CSMD1: variants seen among roughly 807,000 people sequenced by gnomAD.
CSMD1 encodes CUB and Sushi multiple domains 1, also known as CUB and sushi domain-containing protein 1.
Under a neutral mutation model 417.5 loss-of-function variants are expected in CSMD1, and 213 were observed. The ratio of observed to expected loss-of-function variants is 0.51; its 90% CI spans 0.46 to 0.57. CSMD1 has a LOEUF of 0.57. CSMD1 is among the 20% of genes least tolerant of loss of function. The pLI, the probability that CSMD1 is intolerant of heterozygous loss-of-function variation, is 0.00. For synonymous variants in CSMD1, 2,862 were observed against 1,736.8 expected, an observed-to-expected ratio of 1.65 and a Z score of -16.11; for missense variants, 6,923 against 4,529.7, an observed-to-expected ratio of 1.53 and a Z score of -15.17.
In CSMD1 at chr8:3,644,493, C is replaced by T. The variant is rs527312313; in HGVS notation, c.1010-27696G>A. Among the ~76,000 whole-genome samples, 25 of 152,156 alleles carry T rather than the reference C, an allele frequency of 1.6e-4. No homozygotes were observed. The East Asian group carries it at 3.9e-3, about 24-fold the overall frequency. ...TGCTCCTTGGACATCAAGGCTTTTG[C>T]TCTGATTAGCAAAAAGAAGATGGGG... On this transcript the variant is annotated intron_variant, in intron 7 of 69. Coordinates refer to ENST00000635120, the MANE Select transcript of CSMD1 (RefSeq NM_033225.6).
At chr8:3,204,186 A>T (rs1168306224) in intron 31 of CSMD1, among the ~76,000 whole-genome samples, 1 of 152,184 alleles carries the variant, frequency 6.6e-6, no homozygotes, top group East Asian at 1.9e-4. Flanking sequence ...TAAACTTTTC[A>T]AATTGGGAAA....
At chr8:4,309,356 A>G (rs1461590900) in intron 3 of CSMD1, among the ~76,000 whole-genome samples, 1 of 152,156 alleles carries the variant, frequency 6.6e-6, no homozygotes, top group Non-Finnish European at 1.5e-5. Flanking sequence ...TAGGAAAAAA[A>G]CTAATCTTTT....
At chr8:3,523,825 G>C (rs934738194) in intron 10 of CSMD1, among the ~76,000 whole-genome samples, 1 of 119,942 alleles carries the variant, frequency 8.3e-6, no homozygotes, top group African/African-American at 3.4e-5. Flanking sequence ...ACGCACATAT[G>C]CATGCACACC....
At chr8:4,346,848 G>C (rs1406008860) in intron 3 of CSMD1, among the ~76,000 whole-genome samples, 1 of 152,136 alleles carries the variant, frequency 6.6e-6, no homozygotes. Context: ...GAGGGCCTGA[G>C]GCCATCTCCA....
At chr8:3,048,506 T>C (rs1228526314) in intron 50 of CSMD1, among the ~76,000 whole-genome samples, 1 of 152,086 alleles carries the variant, frequency 6.6e-6, no homozygotes, top group Non-Finnish European at 1.5e-5. Flanking sequence ...TTTCAATAAA[T>C]GGTGCTGGAA....
intron 1 of CSMD1, among the ~76,000 whole-genome samples, chr8:4,792,763 G>A (rs1420118335): frequency 6.6e-6 from 1 of 152,122 alleles, no homozygotes; most frequent in Non-Finnish European, 1.5e-5. Flanking sequence ...ACTACGGGGT[G>A]TTTTGTCACT....
At chr8:3,939,175 T>G (rs1810706005) in intron 5 of CSMD1, among the ~76,000 whole-genome samples, 1 of 152,126 alleles carries the variant, frequency 6.6e-6, no homozygotes, top group South Asian at 2.1e-4. Flanking sequence ...AGTTTCTGAG[T>G]GACAGACTGT....
At chr8:4,709,746 C>A (rs576174778) in intron 1 of CSMD1, among the ~76,000 whole-genome samples, 3 of 152,278 alleles carry the variant, frequency 2.0e-5, no homozygotes, top group East Asian at 3.9e-4. Context: ...TGCAGGTGAG[C>A]TCCATCAGTG....
intron 11 of CSMD1, among the ~76,000 whole-genome samples, chr8:3,484,638 A>C (rs1161433707): frequency 6.6e-6 from 1 of 152,216 alleles, no homozygotes. Context: ...CCACATGAAG[A>C]AAGTGAAAAG....
chr8:4,081,958 C>G (rs1215605937), intron 3 of CSMD1, among the ~76,000 whole-genome samples: 1 of 151,934 alleles, frequency 6.6e-6, no homozygotes, highest in Non-Finnish European at 1.5e-5. Context: ...ACCATATAAA[C>G]TCAATTATTT....
chr8:3,353,265 A>G (rs139592543), intron 21 of CSMD1, among the ~76,000 whole-genome samples: 1 of 152,208 alleles, frequency 6.6e-6, no homozygotes, highest in Non-Finnish European at 1.5e-5. Flanking sequence ...TTGAAGAAAC[A>G]TTGGTATACT....
chr8:4,582,590 C>G (rs1340403289), intron 2 of CSMD1, among the ~76,000 whole-genome samples: 1 of 152,194 alleles, frequency 6.6e-6, no homozygotes, highest in Non-Finnish European at 1.5e-5. Context: ...AGCTGAAGGT[C>G]ACTGAAGGGC....
At chr8:3,750,571 T>C (rs1394193217) in intron 6 of CSMD1, among the ~76,000 whole-genome samples, 6 of 152,160 alleles carry the variant, frequency 3.9e-5, no homozygotes, top group African/African-American at 1.4e-4. Flanking sequence ...TGTATTTAGT[T>C]CAGATAAAAG....
intron 4 of CSMD1, among the ~76,000 whole-genome samples, chr8:4,006,677 C>T (rs963207750): frequency 6.6e-6 from 1 of 152,204 alleles, no homozygotes; most frequent in South Asian, 2.1e-4. Flanking sequence ...TCCTTTTAAT[C>T]TGCACATGCA....
intron 10 of CSMD1, among the ~76,000 whole-genome samples, chr8:3,511,377 T>TA (rs11288667): frequency 1.3e-4 from 19 of 149,504 alleles, no homozygotes; most frequent in South Asian, 8.4e-4. Context: ...CTTAAAGTAT[T>TA]AAAAAAAAAA....
At chr8:3,569,771 T>C (rs1319238690) in intron 10 of CSMD1, among the ~76,000 whole-genome samples, 2 of 152,218 alleles carry the variant, frequency 1.3e-5, no homozygotes, top group Non-Finnish European at 2.9e-5. Context: ...TGGCTGCTGC[T>C]TAATTTGGAT....
chr8:4,785,874 G>A (rs970614580), intron 1 of CSMD1, among the ~76,000 whole-genome samples: 14 of 152,050 alleles, frequency 9.2e-5, no homozygotes, highest in Non-Finnish European at 1.3e-4. Context: ...AAGACACAAC[G>A]GGGCCTGGAT....
chr8:3,414,647 T>C (rs1408475382), intron 12 of CSMD1, among the ~76,000 whole-genome samples: 1 of 152,212 alleles, frequency 6.6e-6, no homozygotes, highest in Non-Finnish European at 1.5e-5. Flanking sequence ...GTCCAGATCC[T>C]ATCCAGGACT....
At chr8:4,884,025 C>T (rs900018708) in intron 1 of CSMD1, among the ~76,000 whole-genome samples, 3 of 151,940 alleles carry the variant, frequency 2.0e-5, no homozygotes, top group African/African-American at 7.3e-5. Context: ...TAATAGCCTT[C>T]GTAGTGAATG....
Sources: allele counts gnomAD v4.1 joint callset (sites outside exome capture counted in the v4.1 genomes callset), GRCh38; gene constraint gnomAD v4.1.1; transcripts MANE v1.5; gene names NCBI Gene and HGNC (gene_info 2026-07-23, HGNC 2026-07-21).